PDE1C: variants seen among roughly 807,000 people sequenced by gnomAD.
The protein encoded by PDE1C is dual specificity calcium/calmodulin-dependent 3',5'-cyclic nucleotide phosphodiesterase 1C.
Under a neutral mutation model 93.1 loss-of-function variants are expected in PDE1C, and 62 were observed. The observed-to-expected ratio is 0.67, with a 90% CI of 0.54 to 0.82. The LOEUF is 0.82. Among genes scored for constraint, PDE1C ranks in the 40% least tolerant of loss-of-function variants. PDE1C has a pLI of 0.00. For synonymous variants in PDE1C, 325 were observed against 310.1 expected (o/e 1.05, Z -0.50); for missense variants, 742 against 884.6 (o/e 0.84, Z 2.04).
the PDE1C span, among the ~76,000 whole-genome samples, chr7:31,635,917 A>G: frequency 0.98 from 148,591 of 152,190 alleles, 72,549 homozygotes; most frequent in East Asian, 1. Flanking sequence ...TCCTGCACAC[A>G]TACCCTGGAA....
the PDE1C span, among the ~76,000 whole-genome samples, chr7:31,663,020 T>C: frequency 2.6e-5 from 4 of 152,170 alleles, no homozygotes; most frequent in African/African-American, 9.6e-5. Context: ...TCTGGCTTTA[T>C]CCCATCCAAA....
chr7:31,878,855 C>T, intron 4 of PDE1C, 141 bp downstream of exon 4: 1 of 766,452 alleles, frequency 1.3e-6, no homozygotes, highest in South Asian at 2.0e-5. Flanking sequence ...TGCCATTTCT[C>T]ATTCAAGACT....
chr7:32,421,012 A>G (rs571431606), intron 1 of PDE1C, among the ~76,000 whole-genome samples: 56 of 152,244 alleles, frequency 3.7e-4, no homozygotes, highest in Middle Eastern at 3.4e-3. Context: ...GGACTCTCAA[A>G]AGGATGCTGT....
At chr7:32,360,152 C>T (rs956406659) in intron 1 of PDE1C, among the ~76,000 whole-genome samples, 3 of 152,176 alleles carry the variant, frequency 2.0e-5, no homozygotes, top group Non-Finnish European at 4.4e-5. Context: ...TCTCAACTCA[C>T]TCTCCTGATC....
chr7:32,285,885 C>T (rs576259686), intron 1 of PDE1C, among the ~76,000 whole-genome samples: 22 of 152,088 alleles, frequency 1.4e-4, no homozygotes, highest in African/African-American at 5.3e-4. Context: ...CAAGCGTTTG[C>T]CAACCCCTCC....
At chr7:31,966,523 C>A (rs1447727537) in intron 2 of PDE1C, among the ~76,000 whole-genome samples, 1 of 152,112 alleles carries the variant, frequency 6.6e-6, no homozygotes, top group African/African-American at 2.4e-5. Context: ...GACTTTAACA[C>A]CCCACTGTCA....
rs898360901 is a variant in PDE1C, at chr7:32,124,564, C to G, written c.308+45221G>C. Among the ~76,000 whole-genome samples the G allele has an allele frequency of 3.3e-5, 5 of 152,276 alleles. No homozygotes were observed. In the South Asian group the frequency reaches 8.3e-4, roughly 25 times the overall value. Reference sequence around the variant, plus strand: ...AAATACACCACACATCTACAACCACCTGATCTTTGATGAACCTGACAAAAA... The same window carrying G: ...AAATACACCACACATCTACAACCACGTGATCTTTGATGAACCTGACAAAAA... On this transcript the variant is annotated intron_variant, in intron 3 of 18. Transcript: ENST00000396193.
At chr7:31,829,270 T>C (rs957589132) in intron 11 of PDE1C, among the ~76,000 whole-genome samples, 17 of 152,232 alleles carry the variant, frequency 1.1e-4, no homozygotes, top group Non-Finnish European at 2.5e-4. Flanking sequence ...ACTTGCTAAA[T>C]GTGAGATAGT....
At chr7:31,771,349 G>C (rs1399288067) in intron 17 of PDE1C, among the ~76,000 whole-genome samples, 1 of 152,154 alleles carries the variant, frequency 6.6e-6, no homozygotes, top group Non-Finnish European at 1.5e-5. Context: ...CAATATACCA[G>C]GGTTCACATT....
intron 2 of PDE1C, among the ~76,000 whole-genome samples, chr7:31,907,531 T>A (rs1027455985): frequency 6.6e-6 from 1 of 152,208 alleles, no homozygotes; most frequent in African/African-American, 2.4e-5. Context: ...TGGACTATGA[T>A]AAGCATCCTT....
intron 6 of PDE1C, among the ~76,000 whole-genome samples, chr7:31,865,656 G>A (rs1382722881): frequency 6.6e-6 from 1 of 152,146 alleles, no homozygotes; most frequent in East Asian, 1.9e-4. Flanking sequence ...AAATTGCCAA[G>A]TAACAAACAT....
upstream of PDE1C, among the ~76,000 whole-genome samples, chr7:32,073,569 T>A (rs1268496090): frequency 6.6e-6 from 1 of 152,198 alleles, no homozygotes; most frequent in Non-Finnish European, 1.5e-5. Flanking sequence ...TAGTGCCCAA[T>A]GCTCCCACTT....
chr7:31,640,051 C>T, the PDE1C span, among the ~76,000 whole-genome samples: 14 of 152,078 alleles, frequency 9.2e-5, no homozygotes, highest in Admixed American at 7.2e-4. Context: ...TATTCTTTTG[C>T]TTATGTCTTG....
chr7:31,731,316 G>C, the PDE1C span, among the ~76,000 whole-genome samples: 3 of 152,002 alleles, frequency 2.0e-5, no homozygotes, highest in Non-Finnish European at 4.4e-5. Flanking sequence ...CTCTTCAGGA[G>C]CCCTAGCCAA....
At chr7:32,086,159 C>A (rs1797058922) in intron 3 of PDE1C, among the ~76,000 whole-genome samples, 1 of 139,404 alleles carries the variant, frequency 7.2e-6, no homozygotes, top group Non-Finnish European at 1.6e-5. Flanking sequence ...AGCAAAGTCT[C>A]AGGATATAAA....
At chr7:31,949,317 A>G (rs1807047039) in intron 2 of PDE1C, among the ~76,000 whole-genome samples, 1 of 152,126 alleles carries the variant, frequency 6.6e-6, no homozygotes. Flanking sequence ...AAAATTAGCC[A>G]GACATGGTGG....
the PDE1C span, chr7:31,697,076 GA>G: frequency 6.2e-7 from 1 of 1,614,142 alleles, no homozygotes; most frequent in Non-Finnish European, 8.5e-7. Context: ...AAGCCAAGGA[GA>G]AAAGACACAC....
intron 1 of PDE1C, among the ~76,000 whole-genome samples, chr7:32,332,993 A>AT (rs1405275151): frequency 6.6e-6 from 1 of 152,134 alleles, no homozygotes; most frequent in Non-Finnish European, 1.5e-5. Flanking sequence ...AAACCCATAA[A>AT]CATGTACTTT....
At chr7:31,867,191 A>C (rs549845182) in intron 6 of PDE1C, among the ~76,000 whole-genome samples, 5 of 151,970 alleles carry the variant, frequency 3.3e-5, no homozygotes, top group Non-Finnish European at 7.4e-5. Flanking sequence ...GAACAAACCC[A>C]CCATGCAAGT....
Sources: allele counts gnomAD v4.1 joint callset (sites outside exome capture counted in the v4.1 genomes callset), GRCh38; gene constraint gnomAD v4.1.1; transcripts MANE v1.5; gene names NCBI Gene and HGNC (gene_info 2026-07-23, HGNC 2026-07-21).